CAMTA1: variants seen among roughly 807,000 people sequenced by gnomAD.
The protein encoded by CAMTA1 is calmodulin binding transcription activator 1, also known as calmodulin-binding transcription activator 1.
CAMTA1 carries 27 observed loss-of-function variants against 170.9 expected under a neutral mutation model. The ratio of observed to expected loss-of-function variants is 0.16; its 90% CI spans 0.12 to 0.22. CAMTA1 has a LOEUF of 0.22. CAMTA1 is among the 10% of genes least tolerant of loss of function. The probability of loss-of-function intolerance (pLI) is 1.00; values close to 1 mark genes in which losing one functional copy is unlikely to be tolerated. For synonymous variants in CAMTA1, 833 were observed against 891.5 expected (o/e 0.93, Z 1.17); for missense variants, 1,619 against 2,217.2 (o/e 0.73, Z 5.42).
At chr1:7,726,752 G>A (rs767490214) in intron 11 of CAMTA1, among the ~76,000 whole-genome samples, 6 of 152,136 alleles carry the variant, frequency 3.9e-5, no homozygotes, top group African/African-American at 4.8e-5. Context: ...TTGTTCTTCC[G>A]GTGCGACGGA....
At chr1:7,704,350 A>G (rs2096480847) in intron 11 of CAMTA1, among the ~76,000 whole-genome samples, 2 of 145,498 alleles carry the variant, frequency 1.4e-5, no homozygotes, top group Admixed American at 1.4e-4. Context: ...CAGCGGGCGC[A>G]GCCGTCGGGC....
intron 20 of CAMTA1, 127 bp downstream of exon 20, chr1:7,751,519 C>G (rs955532342): frequency 1.5e-5 from 11 of 724,264 alleles, no homozygotes; most frequent in African/African-American, 1.4e-4. Flanking sequence ...TCACTGTGTT[C>G]CAGAACGTTT....
chr1:7,016,395 C>T (rs908275243), intron 3 of CAMTA1, among the ~76,000 whole-genome samples: 10 of 152,192 alleles, frequency 6.6e-5, no homozygotes, highest in African/African-American at 2.4e-4. Context: ...TTCAAATGCT[C>T]TGCAAACAGT....
chr1:6,988,354 C>T (rs1254933468), intron 3 of CAMTA1, among the ~76,000 whole-genome samples: 1 of 152,146 alleles, frequency 6.6e-6, no homozygotes, highest in African/African-American at 2.4e-5. Context: ...AATGAAAACC[C>T]GGTTTCATTT....
intron 6 of CAMTA1, among the ~76,000 whole-genome samples, chr1:7,560,941 T>C (rs533112388): frequency 3.0e-4 from 45 of 152,160 alleles, no homozygotes; most frequent in African/African-American, 1.1e-3. Context: ...TATCCAGCAG[T>C]GCCAGCTGGG....
At chr1:7,085,295 G>A (rs556751531) in intron 3 of CAMTA1, among the ~76,000 whole-genome samples, 4 of 152,190 alleles carry the variant, frequency 2.6e-5, no homozygotes, top group Non-Finnish European at 4.4e-5. Flanking sequence ...CCCGAGCCTC[G>A]ATGGCAACTG....
chr1:7,162,276 T>G (rs999527332), intron 4 of CAMTA1, among the ~76,000 whole-genome samples: 1 of 152,130 alleles, frequency 6.6e-6, no homozygotes, highest in African/African-American at 2.4e-5. Flanking sequence ...CATTCGAAGG[T>G]TTTAACCAAG....
In CAMTA1 at chr1:7,375,888, C is replaced by A. The variant is rs183446165; in HGVS notation, c.439-91942C>A. On this transcript the variant is annotated intron_variant, in intron 5 of 22. Coordinates refer to ENST00000303635, the MANE Select transcript of CAMTA1 (RefSeq NM_015215.4). The stretch of plus-strand genomic sequence containing the variant: ...CAGAGACAGGGTGGACAGAAGGGGG[C>A]AGGGAGAGGTACCCTGTAGGACAGG... Among the ~76,000 whole-genome samples the A allele has an allele frequency of 2.0e-3, 301 of 152,328 alleles. 1 individual carries two copies. The highest frequency in any genetic ancestry group is 2.6e-3 in the Non-Finnish European group (180 of 68,024).
intron 3 of CAMTA1, among the ~76,000 whole-genome samples, chr1:6,923,691 G>A (rs1048146573): frequency 3.3e-5 from 5 of 152,126 alleles, no homozygotes; most frequent in South Asian, 2.1e-4. Context: ...CCTGGGAAGC[G>A]GGGAGTCCAT....
At position 7,534,529 on chromosome 1, in the gene CAMTA1, C is replaced by A. The variant is rs1363207190; in HGVS notation, c.510+66628C>A. On this transcript the variant is annotated intron_variant, in intron 6 of 22. Coordinates refer to ENST00000303635, the MANE Select transcript of CAMTA1 (RefSeq NM_015215.4). The surrounding 1 kb of genome is among the most constrained non-coding windows in gnomAD (Gnocchi z 5.6). ...CTCACCCTCCTAGGCAGCTGAGGCC[C>A]AGCCCTGTGGGGTGGCACTACCTGC... 6.6e-6 allele frequency among the ~76,000 whole-genome samples: 1 copy of A among 152,224 alleles called. No homozygotes were observed. The highest frequency in any genetic ancestry group is 2.4e-5 in the African/African-American group (1 of 41,448).
chr1:7,733,834 C>A (rs543174575), intron 12 of CAMTA1, among the ~76,000 whole-genome samples: 1 of 152,304 alleles, frequency 6.6e-6, no homozygotes, highest in Non-Finnish European at 1.5e-5. Flanking sequence ...ATATGCCACA[C>A]CCAAAAGGCT....
At position 7,066,211 on chromosome 1, in the gene CAMTA1, C is replaced by T. The variant is rs537420743; in HGVS notation, c.235-25093C>T. 1.1e-4 allele frequency among the ~76,000 whole-genome samples: 17 copies of T among 152,370 alleles called. No homozygotes were observed. In the East Asian group the frequency reaches 1.9e-3, roughly 17 times the overall value. ...GTCTCCTTTCTAGTGGTTCCCTCTT[C>T]TTCTCCCAGGGCAACAGCATCACAG... is the stretch of plus-strand genomic sequence containing the variant. On this transcript the variant is annotated intron_variant, in intron 3 of 22. Coordinates refer to ENST00000303635, the MANE Select transcript of CAMTA1 (RefSeq NM_015215.4).
At chr1:6,882,555 G>A (rs1671909928) in intron 3 of CAMTA1, among the ~76,000 whole-genome samples, 1 of 152,160 alleles carries the variant, frequency 6.6e-6, no homozygotes, top group South Asian at 2.1e-4. Context: ...TCTTTACTGA[G>A]ATCAGGAAGA....
intron 3 of CAMTA1, among the ~76,000 whole-genome samples, chr1:6,972,787 G>T (rs1397057829): frequency 1.3e-5 from 2 of 152,102 alleles, no homozygotes; most frequent in African/African-American, 4.8e-5. Context: ...TTATTGTTTT[G>T]GTAAGAATGC....
intron 6 of CAMTA1, among the ~76,000 whole-genome samples, chr1:7,513,398 G>A (rs1031276423): frequency 6.6e-6 from 1 of 152,178 alleles, no homozygotes; most frequent in Non-Finnish European, 1.5e-5. Flanking sequence ...ATGCAAAGCA[G>A]CGTAGACTGG....
chr1:7,298,631 A>C (rs1557467244), intron 5 of CAMTA1, among the ~76,000 whole-genome samples: 1 of 152,314 alleles, frequency 6.6e-6, no homozygotes, highest in East Asian at 1.9e-4. Context: ...CTTGTATATT[A>C]GAATTTTACC....
At chr1:7,124,276 C>T (rs916188433) in intron 4 of CAMTA1, among the ~76,000 whole-genome samples, 1 of 152,174 alleles carries the variant, frequency 6.6e-6, no homozygotes, top group African/African-American at 2.4e-5. Context: ...AGACACCTGT[C>T]CCCTGTTGCG....
At chr1:6,791,474 A>G (rs534688949) in intron 1 of CAMTA1, among the ~76,000 whole-genome samples, 48 of 152,124 alleles carry the variant, frequency 3.2e-4, no homozygotes, top group Non-Finnish European at 6.2e-4. Flanking sequence ...GGATTTTGGA[A>G]ATTTTTTTTT....
intron 22 of CAMTA1, among the ~76,000 whole-genome samples, chr1:7,764,697 T>A (rs1034553838): frequency 6.6e-6 from 1 of 152,180 alleles, no homozygotes; most frequent in African/African-American, 2.4e-5. Flanking sequence ...GGTAGGCTCA[T>A]GCCTGTAATT....
Sources: allele counts gnomAD v4.1 joint callset (sites outside exome capture counted in the v4.1 genomes callset), GRCh38; gene constraint gnomAD v4.1.1; non-coding constraint Gnocchi (gnomAD v3.1); transcripts MANE v1.5; gene names NCBI Gene and HGNC (gene_info 2026-07-23, HGNC 2026-07-21).